Variants in YBEY observed in about 807,000 individuals in gnomAD.
YBEY encodes the protein endoribonuclease YbeY.
Under a neutral mutation model 13.5 loss-of-function variants are expected in YBEY, and 15 were observed. The ratio of observed to expected loss-of-function variants is 1.11; its 90% confidence interval spans 0.75 to 1.72. The LOEUF (loss-of-function observed/expected upper bound fraction) is 1.72, where lower values mean the gene tolerates loss of function less well. YBEY is among the 40% of genes most tolerant of loss of function. The probability of loss-of-function intolerance (pLI) is 0.00; values close to 1 mark genes in which losing one functional copy is unlikely to be tolerated. For missense variants in YBEY, 244 were observed against 208.4 expected (o/e 1.17, Z -1.05); for synonymous variants, 101 against 83.1 (o/e 1.21, Z -1.17).
intron 4 of YBEY, among the ~76,000 whole-genome samples, chr21:46,297,147 A>T (rs1346716352): frequency 6.6e-6 from 1 of 151,634 alleles, no homozygotes; most frequent in Non-Finnish European, 1.5e-5. Flanking sequence ...AAAAACGCAA[A>T]GATTAGCCGG....
chr21:46,303,706 A>ATAT, the YBEY span, among the ~76,000 whole-genome samples: 2 of 25,750 alleles, frequency 7.8e-5, no homozygotes, highest in East Asian at 1.7e-3. Flanking sequence ...ACACACACAC[A>ATAT]AAATATATAT....
chr21:46,313,131 G>A, the YBEY span: 1 of 899,284 alleles, frequency 1.1e-6, no homozygotes, highest in Non-Finnish European at 1.3e-6. Context: ...CACACCGTCA[G>A]CTCTTGAGTT....
chr21:46,298,521 CG>C (rs1254250716), downstream of YBEY, among the ~76,000 whole-genome samples: 3 of 144,618 alleles, frequency 2.1e-5, no homozygotes, highest in Admixed American at 1.5e-4. Flanking sequence ...CTCCGCCCGC[CG>C]GGGTTCACGC....
intron 1 of YBEY, 144 bp from the exon 2 acceptor site, chr21:46,286,726 T>G: frequency 1.7e-6 from 1 of 588,682 alleles, no homozygotes; most frequent in Non-Finnish European, 2.9e-6. Flanking sequence ...TCGTTGTTGC[T>G]TCCTCCTTGT....
In YBEY at chr21:46,287,244, GGAGTGCAGTGGTGC is replaced by G. The variant is rs1378304586; in HGVS notation, c.210+124_210+137del. Reference sequence around the variant, plus strand: ...GGAGTCTTGCTCTGTCACCCAGGCTGGAGTGCAGTGGTGCGATCTCGGCTCACTGCAACCTCCCT... The same window carrying G: ...GGAGTCTTGCTCTGTCACCCAGGCTGGATCTCGGCTCACTGCAACCTCCCT... On this transcript the variant is annotated intron_variant, in intron 2 of 4. Transcript: ENST00000397701. 2.2e-5 allele frequency: 21 copies of G among 942,308 alleles called. No individual in the cohort carries two copies. The African/African-American group carries it at 3.5e-4, about 16-fold the overall frequency. 58.4% of individuals were successfully genotyped at this position (942,308 alleles called of 1,614,324 possible). A position where few individuals can be genotyped will look rare whatever the true frequency, so the allele number is the denominator to read the frequency against.
intron 3 of YBEY, chr21:46,291,700 T>C: frequency 5.4e-6 from 7 of 1,288,826 alleles, no homozygotes; most frequent in African/African-American, 1.5e-5. Flanking sequence ...AGAGAAGCCT[T>C]CTCAGCTTTT....
the YBEY span, among the ~76,000 whole-genome samples, chr21:46,310,374 G>A: frequency 3.3e-5 from 5 of 152,076 alleles, no homozygotes; most frequent in Middle Eastern, 6.8e-3. Flanking sequence ...AGCTACTCGA[G>A]AGGCTGAGGC....
At chr21:46,290,704 T>G (rs2081662109) in intron 2 of YBEY, among the ~76,000 whole-genome samples, 1 of 146,062 alleles carries the variant, frequency 6.8e-6, no homozygotes, top group Non-Finnish European at 1.5e-5. Context: ...AGGTCAGGAG[T>G]TCGAGACCAG....
At chr21:46,298,157 A>G (rs1266271169), downstream of YBEY, among the ~76,000 whole-genome samples, 1 of 152,218 alleles carries the variant, frequency 6.6e-6, no homozygotes, top group African/African-American at 2.4e-5. Context: ...GCAGCACCTC[A>G]GAGACCTGCG....
chr21:46,302,621 T>G (rs768738504), downstream of YBEY: 5 of 1,475,832 alleles, frequency 3.4e-6, no homozygotes, highest in Non-Finnish European at 4.7e-6. Flanking sequence ...TTTCCGTTTT[T>G]CCTATTTGTT....
chr21:46,311,622 C>CA, the YBEY span: 1 of 1,031,794 alleles, frequency 9.7e-7, no homozygotes, highest in Non-Finnish European at 1.4e-6. Context: ...AAAGTGTCTC[C>CA]AGTATCTACC....
At chr21:46,291,215 A>AT in intron 2 of YBEY, 119 bp from the exon 3 acceptor site, 1 of 1,181,166 alleles carries the variant, frequency 8.5e-7, no homozygotes, top group Non-Finnish European at 1.1e-6. Context: ...AAAAAAAAAA[A>AT]AGTGATTTGG....
At chr21:46,302,557 C>T (rs2145889863), downstream of YBEY, 2 of 1,612,300 alleles carry the variant, frequency 1.2e-6, no homozygotes, top group Non-Finnish European at 1.7e-6. Flanking sequence ...CGTTCTGCAG[C>T]AGCAGCAGCT....
intron 4 of YBEY, 96 bp downstream of exon 4, chr21:46,296,326 C>G: frequency 7.1e-7 from 1 of 1,414,264 alleles, no homozygotes; most frequent in Non-Finnish European, 9.8e-7. Flanking sequence ...TTGACCGCCC[C>G]CGCAGGAACT....
the YBEY span, among the ~76,000 whole-genome samples, chr21:46,307,041 G>A: frequency 5.3e-5 from 8 of 151,748 alleles, no homozygotes; most frequent in Non-Finnish European, 1.0e-4. Flanking sequence ...GATTACAGGC[G>A]CCCACCACCA....
chr21:46,296,841 A>G (rs1250351729), intron 4 of YBEY, among the ~76,000 whole-genome samples: 1 of 151,868 alleles, frequency 6.6e-6, no homozygotes, highest in East Asian at 1.9e-4. Flanking sequence ...CTAAAAATAC[A>G]AAATTAGCTG....
At chr21:46,300,541 T>A, downstream of YBEY, 1 of 646,742 alleles carries the variant, frequency 1.5e-6, no homozygotes, top group Non-Finnish European at 2.1e-6. Context: ...GAGCACAGAG[T>A]CTCTGGAATC....
At chr21:46,308,317 C>T in the YBEY span, among the ~76,000 whole-genome samples, 1 of 151,674 alleles carries the variant, frequency 6.6e-6, no homozygotes, top group East Asian at 2.0e-4. Context: ...AAAAATCAGC[C>T]GGGCGTGGTG....
In YBEY at chr21:46,297,614, G is replaced by C. The variant is rs2081997171; in HGVS notation, c.484G>C (p.Gly162Arg). Residue 162 changes from glycine to arginine, a missense_variant, in exon 5 of 5, where the codon GGC (glycine) becomes CGC (arginine). Gly to Arg is a moderately radical substitution (Grantham distance 125). Transcript: ENST00000397701. ...GACCCGGCTGCAGCCCCTGACCCGGGGCCTCTTCGGAGGGAGCTGAGGGCC... is the reference window on the plus strand; with the variant it reads ...GACCCGGCTGCAGCCCCTGACCCGGCGCCTCTTCGGAGGGAGCTGAGGGCC... ...TGTRLQPLTR[G>R]LFGGS 2 of 1,361,358 alleles carry C rather than the reference G, an allele frequency of 1.5e-6. No individual in the cohort carries two copies. The highest frequency in any genetic ancestry group is 9.6e-7 in the Non-Finnish European group (1 of 1,042,600). The allele number at this position is 1,361,358 out of a possible 1,614,324, so 84.3% of individuals were successfully genotyped here.
Sources: gnomAD v4.1 joint callset for allele counts (sites outside exome capture counted in the v4.1 genomes callset) on GRCh38, gnomAD v4.1.1 for gene constraint, MANE v1.5 for transcripts, NCBI Gene and HGNC (gene_info 2026-07-23, HGNC 2026-07-21) for gene names.